UBE2R2: variants seen among roughly 807,000 people sequenced by gnomAD.
The protein encoded by UBE2R2 is ubiquitin-conjugating enzyme E2 R2.
UBE2R2 carries 1 observed loss-of-function variant against 27.8 expected under a neutral mutation model. The ratio of observed to expected loss-of-function variants is 0.04; its 90% CI spans 0.01 to 0.17. UBE2R2 has a LOEUF of 0.17. Among genes scored for constraint, UBE2R2 ranks in the 10% least tolerant of loss-of-function variants. The pLI is 1.00. For synonymous variants in UBE2R2, 106 were observed against 113.3 expected (o/e 0.94, Z 0.41); for missense variants, 100 against 291.0 (o/e 0.34, Z 4.78).
At chr9:33,880,398 C>G (rs574163939) in intron 1 of UBE2R2, among the ~76,000 whole-genome samples, 2 of 152,006 alleles carry the variant, frequency 1.3e-5, no homozygotes, top group Admixed American at 1.3e-4. Context: ...TGTACAGTTA[C>G]GTAATTTCCA....
Position 33,877,827 on chromosome 9 carries a change from C to CTG in UBE2R2, c.178-9053_178-9052insGT, listed in dbSNP as rs1563997770. Among the ~76,000 whole-genome samples the CTG allele has an allele frequency of 1.1e-4, 9 of 83,006 alleles. No individual in the cohort carries two copies. In the South Asian group the frequency reaches 2.1e-3, roughly 20 times the overall value. 54.5% of individuals were successfully genotyped at this position (83,006 alleles called of 152,430 possible). On this transcript the variant is annotated intron_variant, in intron 1 of 4. Coordinates refer to ENST00000263228, the MANE Select transcript of UBE2R2 (RefSeq NM_017811.4). ...TGTCTGTCTGTCTGTCTGTCTGTCT[C>CTG]TCTCTCTCTCTCTCTCTCTCTCCCA...
intron 2 of UBE2R2, among the ~76,000 whole-genome samples, chr9:33,889,160 A>G (rs777542490): frequency 6.6e-6 from 1 of 152,210 alleles, no homozygotes; most frequent in Non-Finnish European, 1.5e-5. Flanking sequence ...TGAGTTCAGT[A>G]CGCACAGCAG....
chr9:33,846,884 T>C (rs952275011), intron 1 of UBE2R2, among the ~76,000 whole-genome samples: 3 of 152,204 alleles, frequency 2.0e-5, no homozygotes, highest in African/African-American at 7.2e-5. Context: ...AGTGGTACTT[T>C]TATCTGAGAG....
chr9:33,819,862 C>T (rs1004910722), intron 1 of UBE2R2, among the ~76,000 whole-genome samples: 10 of 152,232 alleles, frequency 6.6e-5, no homozygotes, highest in Non-Finnish European at 1.3e-4. Flanking sequence ...CGGTCTCGAA[C>T]TCCAGACCCT....
chr9:33,829,803 T>TTC (rs557272955), intron 1 of UBE2R2, among the ~76,000 whole-genome samples: 99 of 150,706 alleles, frequency 6.6e-4, no homozygotes, highest in African/African-American at 2.3e-3. Context: ...GTTTTTTTTT[T>TTC]TTTTTTTTTT....
upstream of UBE2R2, among the ~76,000 whole-genome samples, chr9:33,815,977 G>T (rs1216397950): frequency 6.6e-6 from 1 of 152,122 alleles, no homozygotes; most frequent in Admixed American, 6.6e-5. Flanking sequence ...GGGAGGCTGA[G>T]GTGGGAGAAT....
At chr9:33,829,954 C>T (rs373960027) in intron 1 of UBE2R2, among the ~76,000 whole-genome samples, 3 of 151,610 alleles carry the variant, frequency 2.0e-5, no homozygotes, top group Admixed American at 6.6e-5. Flanking sequence ...TGTGCCACCA[C>T]GCCCGGCTAA....
At chr9:33,859,760 T>TTGTGTGTGTG (rs57089790) in intron 1 of UBE2R2, among the ~76,000 whole-genome samples, 2,385 of 130,556 alleles carry the variant, frequency 0.018, 34 homozygotes, top group Middle Eastern at 0.063. Flanking sequence ...TCTAAGCCTT[T>TTGTGTGTGTG]TGTGTGTGTG....
At chr9:33,836,077 A>T (rs1334255130) in intron 1 of UBE2R2, among the ~76,000 whole-genome samples, 2 of 152,112 alleles carry the variant, frequency 1.3e-5, no homozygotes, top group African/African-American at 4.8e-5. Flanking sequence ...GGCGAGGCAG[A>T]TGGATCACCT....
At chr9:33,829,235 A>G (rs866250577) in intron 1 of UBE2R2, among the ~76,000 whole-genome samples, 1 of 152,228 alleles carries the variant, frequency 6.6e-6, no homozygotes, top group African/African-American at 2.4e-5. Flanking sequence ...GAATAAGAGA[A>G]TGATAAATCA....
At chr9:33,856,408 T>C (rs150402036) in intron 1 of UBE2R2, among the ~76,000 whole-genome samples, 112 of 152,312 alleles carry the variant, frequency 7.4e-4, no homozygotes, top group Non-Finnish European at 1.0e-3. Context: ...TCTTGTTTGT[T>C]TTCTGGTACA....
At chr9:33,841,066 A>G (rs1398585249) in intron 1 of UBE2R2, among the ~76,000 whole-genome samples, 1 of 150,750 alleles carries the variant, frequency 6.6e-6, no homozygotes, top group African/African-American at 2.4e-5. Flanking sequence ...CTGGAATTAT[A>G]AGCACCTGCC....
intron 1 of UBE2R2, among the ~76,000 whole-genome samples, chr9:33,867,729 G>T (rs1473019165): frequency 6.6e-6 from 1 of 152,144 alleles, no homozygotes. Flanking sequence ...CTGCTTCCTG[G>T]GTACACGCCA....
At position 33,833,925 on chromosome 9, in the gene UBE2R2, T is replaced by C. The variant is rs73487040; in HGVS notation, c.177+15991T>C. 3.5e-3 allele frequency among the ~76,000 whole-genome samples: 533 copies of C among 152,346 alleles called. 7 individuals are homozygous for C. The highest frequency in any genetic ancestry group is 0.012 in the African/African-American group (501 of 41,588). ...TCCTTTAGTGTCTGTTTTATTTCAC[T>C]TAGTATAATTATCTCAAGATTCATC... On this transcript the variant is annotated intron_variant, in intron 1 of 4. Transcript: ENST00000263228.
intron 2 of UBE2R2, among the ~76,000 whole-genome samples, chr9:33,898,438 C>T (rs890263028): frequency 1.3e-5 from 2 of 151,560 alleles, no homozygotes; most frequent in African/African-American, 2.4e-5. Flanking sequence ...AACCATAAGG[C>T]AGTGTGTTAG....
intron 1 of UBE2R2, among the ~76,000 whole-genome samples, chr9:33,867,148 A>G (rs1821382223): frequency 6.6e-6 from 1 of 152,086 alleles, no homozygotes; most frequent in Non-Finnish European, 1.5e-5. Context: ...TCGGCCTCCA[A>G]AAGTGCTGGG....
intron 3 of UBE2R2, among the ~76,000 whole-genome samples, chr9:33,906,376 C>T (rs1822357256): frequency 6.6e-6 from 1 of 152,168 alleles, no homozygotes; most frequent in Non-Finnish European, 1.5e-5. Context: ...CCCACCTCGG[C>T]CTCCCAAAGT....
intron 1 of UBE2R2, among the ~76,000 whole-genome samples, chr9:33,819,045 G>T (rs756862056): frequency 6.6e-6 from 1 of 152,134 alleles, no homozygotes; most frequent in Admixed American, 6.5e-5. Context: ...ATCACAGATT[G>T]AAAGTCTGAA....
intron 1 of UBE2R2, among the ~76,000 whole-genome samples, chr9:33,861,470 T>A (rs1359488496): frequency 6.6e-6 from 1 of 151,884 alleles, no homozygotes; most frequent in Non-Finnish European, 1.5e-5. Flanking sequence ...CAGCTACTTA[T>A]GAGGCTGAGG....
Sources: allele counts gnomAD v4.1 joint callset (sites outside exome capture counted in the v4.1 genomes callset), GRCh38; gene constraint gnomAD v4.1.1; transcripts MANE v1.5; gene names NCBI Gene and HGNC (gene_info 2026-07-23, HGNC 2026-07-21).